Variants in ERFE observed in about 807,000 individuals in gnomAD.
The protein encoded by ERFE is erythroferrone.
A neutral mutation model predicts 26.6 loss-of-function variants in ERFE; 25 were observed. The observed-to-expected ratio is 0.94, with a 90% CI of 0.69 to 1.31. The LOEUF (loss-of-function observed/expected upper bound fraction) is 1.31. Ranked by LOEUF, ERFE falls within the 40% of genes most tolerant of loss-of-function variation. The pLI, the probability that ERFE is intolerant of heterozygous loss-of-function variation, is 0.00. For synonymous variants in ERFE, 206 were observed against 204.5 expected (o/e 1.01, Z -0.06); for missense variants, 447 against 440.2 (o/e 1.02, Z -0.14).
At chr2:238,159,284 G>T (rs1345153898) in intron 1 of ERFE, 79 bp downstream of exon 1, 5 of 174,864 alleles carry the variant, frequency 2.9e-5, no homozygotes, top group Non-Finnish European at 6.0e-5. Flanking sequence ...GGACGTGGAG[G>T]CCGAGCCCGC....
In ERFE at chr2:238,164,157, AC is replaced by A; in HGVS notation, c.771del (p.Tyr257Ter). 6.9e-7 allele frequency: 1 copy of A among 1,453,764 alleles called. No homozygotes were observed. The allele number at this position is 1,453,764 out of a possible 1,614,324, so 90.1% of individuals were successfully genotyped here. ...TACAGGGCGCCCGTGGCTGGCTTCT[AC>A]GCTCTCGCCGCCACGCTGCACGTGG... ...GQYRAPVAGF[Y>X]ALAATLHVAL... On this transcript the variant is annotated frameshift_variant, in exon 5 of 8. Coordinates refer to ENST00000546354, the MANE Select transcript of ERFE (RefSeq NM_001291832.2). LOFTEE classifies it high-confidence loss of function.
In ERFE at chr2:238,164,110, C is replaced by T. The variant is rs1422708348; in HGVS notation, c.723C>T (p.Gly241=). 6.9e-7 allele frequency: 1 copy of T among 1,450,912 alleles called. No individual in the cohort carries two copies. Among genetic ancestry groups the T allele is most frequent in the Non-Finnish European group, 9.0e-7 (1 of 1,105,744 alleles). 89.9% of individuals were successfully genotyped at this position (1,450,912 alleles called of 1,614,324 possible). ...DAEGAFRRGP[G]LNLTSGQYRA... ...AGGGTGCCTTCCGCCGCGGCCCGGG[C>T]CTGAACTTGACCAGCGGCCAGTACA... Residue 241 remains glycine, a synonymous_variant, in exon 5 of 8, where the codon GGC becomes GGT. Coordinates refer to ENST00000546354, the MANE Select transcript of ERFE (RefSeq NM_001291832.2).
chr2:238,164,154 T>A lies in ERFE; in HGVS notation c.767T>A (p.Phe256Tyr), dbSNP rs1370872134. The A allele has an allele frequency of 4.8e-6, 7 of 1,454,984 alleles. No homozygotes were observed. The highest frequency in any genetic ancestry group is 2.0e-4 in the Middle Eastern group (1 of 4,948). 90.1% of individuals were successfully genotyped at this position (1,454,984 alleles called of 1,614,324 possible). Residue 256 changes from phenylalanine to tyrosine, a missense_variant, in exon 5 of 8, where the codon TTC becomes TAC. Physicochemically the swap from Phe to Tyr is conservative, Grantham distance 22 (BLOSUM62 3). Coordinates refer to ENST00000546354, the MANE Select transcript of ERFE (RefSeq NM_001291832.2). Reference sequence around the variant, plus strand: ...CAGTACAGGGCGCCCGTGGCTGGCTTCTACGCTCTCGCCGCCACGCTGCAC... The same window carrying A: ...CAGTACAGGGCGCCCGTGGCTGGCTACTACGCTCTCGCCGCCACGCTGCAC... Reference protein sequence around the residue: ...SGQYRAPVAGFYALAATLHVA... With the variant: ...SGQYRAPVAGYYALAATLHVA...
rs903485987 is a variant in ERFE at position 238,163,850 on chromosome 2, G to A, written c.538G>A (p.Asp180Asn). 35 of 1,319,622 alleles carry A rather than the reference G, an allele frequency of 2.7e-5. No individual in the cohort carries two copies. Among genetic ancestry groups the A allele is most frequent in the Middle Eastern group, 2.1e-4 (1 of 4,684 alleles). 81.7% of individuals were successfully genotyped at this position (1,319,622 alleles called of 1,614,324 possible). ...VSATAGEDDD[D>N]VVGDVLALLA... ...GGCCACCGCCGGGGAGGACGACGAC[G>A]ACGTGGTGGGGGACGTGCTGGCACT... The change falls in exon 4 of 8, where the codon GAC becomes AAC. Residue 180 changes from aspartate (D) to asparagine (N), a missense_variant. Transcript: ENST00000546354.
rs1478979746 is a variant in ERFE at position 238,161,587 on chromosome 2, G to A, written c.199-7G>A. On this transcript the variant is annotated splice_polypyrimidine_tract_variant and splice_region_variant and intron_variant, in intron 1 of 7. Coordinates refer to ENST00000546354, the MANE Select transcript of ERFE (RefSeq NM_001291832.2). ...CCAACCGCCCTGCTGGGCTGGCTGT[G>A]TTCCAGGAGCCCACCGCTGAGCGTG... 2.0e-6 allele frequency: 3 copies of A among 1,522,316 alleles called. No individual in the cohort carries two copies. The highest frequency in any genetic ancestry group is 2.7e-6 in the Non-Finnish European group (3 of 1,125,384). The allele number at this position is 1,522,316 out of a possible 1,614,324, so 94.3% of individuals were successfully genotyped here.
rs761053370 is a variant in ERFE at position 238,167,123 on chromosome 2, C to CA, written c.*70dup. The CA allele has an allele frequency of 2.7e-6, 4 of 1,462,594 alleles. No individual in the cohort carries two copies. The highest frequency in any genetic ancestry group is 2.0e-5 in the Admixed American group (1 of 50,900). The allele number at this position is 1,462,594 out of a possible 1,614,324, so 90.6% of individuals were successfully genotyped here. Reference sequence around the variant, plus strand: ...GATCTAGACAATGTGTGGACAGTGTCAGAGTAGCAGTGGCCACATGGAGGA... The same window carrying CA: ...GATCTAGACAATGTGTGGACAGTGTCAAGAGTAGCAGTGGCCACATGGAGGA... On this transcript the variant is annotated 3_prime_UTR_variant, in exon 8 of 8. Transcript: ENST00000546354.
Position 238,167,974 on chromosome 2 carries a change from A to G in ERFE, c.*920A>G, listed in dbSNP as rs1693072975. 5.3e-6 allele frequency: 1 copy of G among 188,836 alleles called. No individual in the cohort carries two copies. Among genetic ancestry groups the G allele is most frequent in the African/African-American group, 2.4e-5 (1 of 42,508 alleles). 11.7% of individuals were successfully genotyped at this position (188,836 alleles called of 1,614,324 possible). A position where few individuals can be genotyped will look rare whatever the true frequency, so the allele number is the denominator to read the frequency against. ...GCTGACCCATCATCCGAATAGCTGA[A>G]GCAGAGTCTTCCACCAGGGGTGCCA... On this transcript the variant is annotated 3_prime_UTR_variant, in exon 8 of 8. Coordinates refer to ENST00000546354, the MANE Select transcript of ERFE (RefSeq NM_001291832.2).
At chr2:238,159,275 G>A (rs1467734823) in intron 1 of ERFE, 70 bp downstream of exon 1, 2 of 184,078 alleles carry the variant, frequency 1.1e-5, no homozygotes, top group Non-Finnish European at 2.2e-5. Context: ...GCGGGAGGCG[G>A]ACGTGGAGGC....
rs1471728140 is a variant in ERFE at position 238,164,081 on chromosome 2, G to A, written c.694G>A (p.Ala232Thr). 1.4e-6 allele frequency: 2 copies of A among 1,420,630 alleles called. No individual in the cohort carries two copies. Among genetic ancestry groups the A allele is most frequent in the Admixed American group, 2.9e-5 (1 of 34,126 alleles). The allele number at this position is 1,420,630 out of a possible 1,614,324, so 88.0% of individuals were successfully genotyped here. The change falls in exon 5 of 8, where the codon GCC becomes ACC. Residue 232 changes from alanine to threonine, a missense_variant. Transcript: ENST00000546354. Reference sequence around the variant, plus strand: ...CCATCCGTGCCCCTCGCAGCCCGACGCCGAGGGTGCCTTCCGCCGCGGCCC... The same window carrying A: ...CCATCCGTGCCCCTCGCAGCCCGACACCGAGGGTGCCTTCCGCCGCGGCCC... Reference protein sequence around the residue: ...HELGVYYLPDAEGAFRRGPGL... With the variant: ...HELGVYYLPDTEGAFRRGPGL...
chr2:238,165,936 T>G (rs1350111598), intron 7 of ERFE, among the ~76,000 whole-genome samples: 1 of 152,182 alleles, frequency 6.6e-6, no homozygotes, highest in African/African-American at 2.4e-5. Flanking sequence ...GAGCAGCTGC[T>G]CCGCTCTGCA....
intron 1 of ERFE, among the ~76,000 whole-genome samples, chr2:238,160,019 C>T (rs1009542521): frequency 1.3e-5 from 2 of 152,216 alleles, no homozygotes; most frequent in African/African-American, 4.8e-5. Context: ...GGCCCCATCA[C>T]ACCCAGCCAC....
chr2:238,164,461 C>A, intron 6 of ERFE, 101 bp downstream of exon 6: 1 of 1,219,980 alleles, frequency 8.2e-7, no homozygotes, highest in Non-Finnish European at 1.2e-6. Context: ...CCCGTTCACA[C>A]CCCACCGTGG....
chr2:238,163,896 C>G lies in ERFE; in HGVS notation c.584C>G (p.Pro195Arg). ...VLALLAAPLAPGPRAPRVEAA... is the reference protein window; with the variant it reads ...VLALLAAPLARGPRAPRVEAA... ...GCACTGCTGGCCGCGCCCCTGGCCCCGGGGCCGCGGGCGCCGCGCGTGGAG... is the reference window on the plus strand; with the variant it reads ...GCACTGCTGGCCGCGCCCCTGGCCCGGGGGCCGCGGGCGCCGCGCGTGGAG... The change falls in exon 4 of 8, where the codon CCG becomes CGG. Residue 195 changes from proline (P) to arginine (R), a missense_variant. Pro to Arg is a moderately radical substitution (Grantham distance 103). Coordinates refer to ENST00000546354, the MANE Select transcript of ERFE (RefSeq NM_001291832.2). The G allele has an allele frequency of 7.6e-7, 1 of 1,319,110 alleles. No homozygotes were observed. Among genetic ancestry groups the G allele is most frequent in the Non-Finnish European group, 9.6e-7 (1 of 1,043,522 alleles). 81.7% of individuals were successfully genotyped at this position (1,319,110 alleles called of 1,614,324 possible). A position where few individuals can be genotyped will look rare whatever the true frequency, so the allele number is the denominator to read the frequency against.
chr2:238,163,920 A>AG lies in ERFE; in HGVS notation c.610dup (p.Ala204GlyfsTer106). The AG allele has an allele frequency of 7.5e-7, 1 of 1,331,296 alleles. No individual in the cohort carries two copies. The highest frequency in any genetic ancestry group is 9.5e-7 in the Non-Finnish European group (1 of 1,050,108). 82.5% of individuals were successfully genotyped at this position (1,331,296 alleles called of 1,614,324 possible). A position where few individuals can be genotyped will look rare whatever the true frequency, so the allele number is the denominator to read the frequency against. The stretch of plus-strand genomic sequence containing the variant: ...CCGGGGCCGCGGGCGCCGCGCGTGG[A>AG]GGCCGCTTTCCTCTGCCGCCTGCGC... On this transcript the variant is annotated frameshift_variant, in exon 4 of 8. Coordinates refer to ENST00000546354, the MANE Select transcript of ERFE (RefSeq NM_001291832.2). LOFTEE classifies it high-confidence loss of function.
In ERFE at chr2:238,168,442, A is replaced by C. The variant is rs751553528; in HGVS notation, c.*1388A>C. On this transcript the variant is annotated 3_prime_UTR_variant, in exon 8 of 8. Transcript: ENST00000546354. ...TCTGGCAAGGGCGCTCAGGCCTGGG[A>C]GAGAAGGGAGCAATGGCCAGTCACC... is the stretch of plus-strand genomic sequence containing the variant. 1.3e-5 allele frequency: 6 copies of C among 471,060 alleles called. No homozygotes were observed. The highest frequency in any genetic ancestry group is 7.7e-5 in the South Asian group (5 of 64,564). 29.2% of individuals were successfully genotyped at this position (471,060 alleles called of 1,614,324 possible). A position where few individuals can be genotyped will look rare whatever the true frequency, so the allele number is the denominator to read the frequency against.
Position 238,167,502 on chromosome 2 carries a change from G to T in ERFE, c.*448G>T, listed in dbSNP as rs745561036. The T allele has an allele frequency of 4.3e-6, 2 of 463,688 alleles. No homozygotes were observed. The highest frequency in any genetic ancestry group is 3.1e-5 in the South Asian group (2 of 64,564). The allele number at this position is 463,688 out of a possible 1,614,324, so 28.7% of individuals were successfully genotyped here. A position where few individuals can be genotyped will look rare whatever the true frequency, so the allele number is the denominator to read the frequency against. ...AGAGGGTCAGCTGACGCAGGGCTGA[G>T]GGGGCTGCCACAGGGACGTACGCTG... On this transcript the variant is annotated 3_prime_UTR_variant, in exon 8 of 8. Transcript: ENST00000546354.
At chr2:238,161,823 C>T (rs541846701) in intron 2 of ERFE, 107 bp downstream of exon 2, 74 of 1,367,498 alleles carry the variant, frequency 5.4e-5, no homozygotes, top group African/African-American at 5.1e-4. Context: ...ACACCCCTCA[C>T]GCCTCGGCCT....
Position 238,163,884 on chromosome 2 carries a change from C to T in ERFE, c.572C>T (p.Ala191Val), listed in dbSNP as rs1692981933. The T allele has an allele frequency of 1.5e-6, 2 of 1,313,120 alleles. No homozygotes were observed. Among genetic ancestry groups the T allele is most frequent in the African/African-American group, 1.6e-5 (1 of 64,508 alleles). 81.3% of individuals were successfully genotyped at this position (1,313,120 alleles called of 1,614,324 possible). ...VVGDVLALLA[A>V]PLAPGPRAPR... ...GGGGACGTGCTGGCACTGCTGGCCG[C>T]GCCCCTGGCCCCGGGGCCGCGGGCG... Residue 191 changes from alanine (A) to valine (V), a missense_variant, in exon 4 of 8, where the codon GCG (alanine) becomes GTG (valine). By Grantham distance (64) the Ala-to-Val change is moderately conservative. Transcript: ENST00000546354.
Position 238,163,958 on chromosome 2 carries a change from G to A in ERFE, c.646G>A (p.Val216Met). 7.2e-7 allele frequency: 1 copy of A among 1,381,816 alleles called. No individual in the cohort carries two copies. The highest frequency in any genetic ancestry group is 9.3e-7 in the Non-Finnish European group (1 of 1,074,340). 85.6% of individuals were successfully genotyped at this position (1,381,816 alleles called of 1,614,324 possible). ...FLCRLRRDAL[V>M]ERRALHELGV... ...CTGCCGCCTGCGCCGGGACGCGTTG[G>A]TGGAGCGGCGCGCGCTGCACGAGCT... The change falls in exon 4 of 8, where the codon GTG (valine) becomes ATG (methionine). Residue 216 changes from valine (V) to methionine (M), a missense_variant. Coordinates refer to ENST00000546354, the MANE Select transcript of ERFE (RefSeq NM_001291832.2).
Sources: gnomAD v4.1 joint callset for allele counts (sites outside exome capture counted in the v4.1 genomes callset) on GRCh38, gnomAD v4.1.1 for gene constraint, MANE v1.5 for transcripts, NCBI Gene and HGNC (gene_info 2026-07-23, HGNC 2026-07-21) for gene names.